The following CDH13 variants were observed in gnomAD, a reference collection of about 807,000 sequenced individuals.
The protein encoded by CDH13 is cadherin-13.
In CDH13, 24 loss-of-function variants were observed where a neutral mutation model predicts 63.8. The ratio of observed to expected loss-of-function variants is 0.38; its 90% CI spans 0.27 to 0.53. The LOEUF is 0.53. Ranked by LOEUF, CDH13 falls within the 20% of genes least tolerant of loss-of-function variation. The pLI, the probability that CDH13 is intolerant of heterozygous loss-of-function variation, is 0.85. For synonymous variants in CDH13, 503 were observed against 355.3 expected (o/e 1.42, Z -4.67); for missense variants, 1,049 against 903.1 (o/e 1.16, Z -2.07).
chr16:83,353,628 A>G (rs989192795), intron 6 of CDH13, among the ~76,000 whole-genome samples: 7 of 152,224 alleles, frequency 4.6e-5, no homozygotes, highest in Non-Finnish European at 5.9e-5. Context: ...AAATTCACAC[A>G]TGCATCTCTG....
intron 6 of CDH13, among the ~76,000 whole-genome samples, chr16:83,407,170 A>C (rs1420894031): frequency 6.6e-6 from 1 of 152,104 alleles, no homozygotes; most frequent in African/African-American, 2.4e-5. Flanking sequence ...CAAAACTCCC[A>C]TTTTCCTATG....
At chr16:83,554,939 T>A (rs887982135) in intron 7 of CDH13, among the ~76,000 whole-genome samples, 47 of 141,688 alleles carry the variant, frequency 3.3e-4, no homozygotes, top group African/African-American at 1.0e-3. Flanking sequence ...TTTTTTTTTT[T>A]AGAGAACCTC....
intron 4 of CDH13, among the ~76,000 whole-genome samples, chr16:83,184,801 A>G (rs1235731759): frequency 6.6e-6 from 1 of 152,084 alleles, no homozygotes; most frequent in Admixed American, 6.6e-5. Context: ...TGAGGACGGT[A>G]ATAATACCTG....
Position 83,002,930 on chromosome 16 carries a change from C to A in CDH13, c.158-29080C>A, listed in dbSNP as rs185555472. ...ATTTACCCATTGACTTAACACTTAT[C>A]TATTGAGCATGTACCAAATATATTG... On this transcript the variant is annotated intron_variant, in intron 2 of 13. Coordinates refer to ENST00000567109, the MANE Select transcript of CDH13 (RefSeq NM_001257.5). Among the ~76,000 whole-genome samples, 305 of 152,316 alleles carry A rather than the reference C, an allele frequency of 2.0e-3. 1 individual carries two copies. Among genetic ancestry groups the A allele is most frequent in the Middle Eastern group, 0.017 (5 of 294 alleles).
intron 4 of CDH13, among the ~76,000 whole-genome samples, chr16:83,200,408 C>G (rs1258251044): frequency 5.3e-5 from 8 of 152,184 alleles, no homozygotes; most frequent in Non-Finnish European, 1.2e-4. Context: ...ACCTCGTGTT[C>G]CATGTCTCTA....
Position 83,142,977 on chromosome 16 carries a change from C to T in CDH13, c.483+17476C>T, listed in dbSNP as rs933467218. On this transcript the variant is annotated intron_variant, in intron 4 of 13. Coordinates refer to ENST00000567109, the MANE Select transcript of CDH13 (RefSeq NM_001257.5). ...AATTAGCTGGGTGTGATGGCACATG[C>T]CTGTCATCCCAGCTACTCAGGAAGG... Among the ~76,000 whole-genome samples, 63 of 152,284 alleles carry T rather than the reference C, an allele frequency of 4.1e-4. 1 individual carries two copies. The highest frequency in any genetic ancestry group is 8.8e-5 in the Non-Finnish European group (6 of 68,042).
At chr16:83,359,576 C>G (rs765697715) in intron 6 of CDH13, among the ~76,000 whole-genome samples, 1 of 152,156 alleles carries the variant, frequency 6.6e-6, no homozygotes, top group Non-Finnish European at 1.5e-5. Context: ...ATTTCCTCTA[C>G]TGAATTGGTG....
intron 3 of CDH13, among the ~76,000 whole-genome samples, chr16:83,098,046 G>T (rs1362337191): frequency 6.6e-6 from 1 of 152,150 alleles, no homozygotes; most frequent in Admixed American, 6.5e-5. Flanking sequence ...GGCAAGTTAG[G>T]ATACTATTGG....
At chr16:83,164,755 G>A (rs1186865286) in intron 4 of CDH13, among the ~76,000 whole-genome samples, 2 of 151,076 alleles carry the variant, frequency 1.3e-5, no homozygotes, top group African/African-American at 4.9e-5. Flanking sequence ...TTTTACTGAT[G>A]ATATTTACAA....
intron 1 of CDH13, among the ~76,000 whole-genome samples, chr16:82,845,307 A>T (rs924579761): frequency 6.6e-6 from 1 of 152,172 alleles, no homozygotes; most frequent in East Asian, 1.9e-4. Context: ...GGCTGTCCAT[A>T]GGAGCATTAA....
At chr16:83,651,557 A>G (rs1284934797) in intron 8 of CDH13, among the ~76,000 whole-genome samples, 1 of 146,906 alleles carries the variant, frequency 6.8e-6, no homozygotes, top group African/African-American at 2.5e-5. Flanking sequence ...TTCAACATGA[A>G]TCACTTTCCT....
intron 5 of CDH13, among the ~76,000 whole-genome samples, chr16:83,311,653 A>G (rs1379602863): frequency 6.6e-6 from 1 of 152,230 alleles, no homozygotes; most frequent in African/African-American, 2.4e-5. Flanking sequence ...GTTGTTCTGT[A>G]CATAGCATAG....
chr16:83,401,938 C>G (rs185352932), intron 6 of CDH13, among the ~76,000 whole-genome samples: 21 of 152,264 alleles, frequency 1.4e-4, no homozygotes, highest in Admixed American at 1.3e-3. Context: ...GGAGACCCCT[C>G]CAGAGCTTGA....
intron 6 of CDH13, among the ~76,000 whole-genome samples, chr16:83,380,315 C>G (rs1458554893): frequency 6.6e-6 from 1 of 152,092 alleles, no homozygotes; most frequent in African/African-American, 2.4e-5. Flanking sequence ...GTTCTTTGTG[C>G]TTTTCTGTGT....
chr16:82,838,589 C>G (rs1028274756), intron 1 of CDH13, among the ~76,000 whole-genome samples: 9 of 152,174 alleles, frequency 5.9e-5, no homozygotes, highest in African/African-American at 1.9e-4. Flanking sequence ...CTTTCCAAAT[C>G]TCATCTTTCC....
At chr16:82,974,292 A>G (rs1000241120) in intron 2 of CDH13, among the ~76,000 whole-genome samples, 3 of 152,100 alleles carry the variant, frequency 2.0e-5, no homozygotes, top group Non-Finnish European at 4.4e-5. Context: ...CCAGGCTGTT[A>G]TTTCCATTCA....
intron 6 of CDH13, among the ~76,000 whole-genome samples, chr16:83,352,615 G>A (rs2090976438): frequency 6.6e-6 from 1 of 152,224 alleles, no homozygotes; most frequent in South Asian, 2.1e-4. Flanking sequence ...AATCAGCCGG[G>A]TGCGGTGGCT....
At chr16:82,837,810 A>C (rs2038832815) in intron 1 of CDH13, among the ~76,000 whole-genome samples, 2 of 152,206 alleles carry the variant, frequency 1.3e-5, no homozygotes. Context: ...AGAGTTCAGC[A>C]TAAACCGAAT....
chr16:83,375,032 T>C (rs918081966), intron 6 of CDH13, among the ~76,000 whole-genome samples: 10 of 152,190 alleles, frequency 6.6e-5, no homozygotes, highest in African/African-American at 2.4e-4. Context: ...AATTTTAATT[T>C]AGTAGGTAGG....
Sources: allele counts gnomAD v4.1 joint callset (sites outside exome capture counted in the v4.1 genomes callset), GRCh38; gene constraint gnomAD v4.1.1; transcripts MANE v1.5; gene names NCBI Gene and HGNC (gene_info 2026-07-23, HGNC 2026-07-21).